Variants in CACNA1A observed in about 807,000 individuals in gnomAD.
CACNA1A encodes the protein voltage-dependent P/Q-type calcium channel subunit alpha-1A.
CACNA1A carries 57 observed loss-of-function variants against 262.4 expected under a neutral mutation model. That is an observed-to-expected ratio of 0.22 (90% confidence interval 0.18 to 0.27). The LOEUF (loss-of-function observed/expected upper bound fraction) is 0.27, where lower values mean the gene tolerates loss of function less well. CACNA1A is among the 10% of genes least tolerant of loss of function. The pLI is 1.00. For synonymous variants in CACNA1A, 1,431 were observed against 1,419.3 expected, an observed-to-expected ratio of 1.01 and a Z score of -0.18; for missense variants, 2,526 against 3,562.8, an observed-to-expected ratio of 0.71 and a Z score of 7.41.
chr19:13,241,672 C>T lies in CACNA1A; in HGVS notation c.4950+3510G>A, dbSNP rs1420681524. The T allele has an allele frequency of 4.2e-5, 22 of 528,670 alleles. No individual in the cohort carries two copies. The highest frequency in any genetic ancestry group is 2.9e-4 in the South Asian group (17 of 59,124). The allele number at this position is 528,670 out of a possible 1,614,324, so 32.7% of individuals were successfully genotyped here. Reference sequence around the variant, plus strand: ...GGGCGGGGAGTGGGGGTGGTGGTGGCGGTGGGTTGGGAGATAAGTCATTGG... The same window carrying T: ...GGGCGGGGAGTGGGGGTGGTGGTGGTGGTGGGTTGGGAGATAAGTCATTGG... On this transcript the variant is annotated intron_variant, in intron 31 of 46. Coordinates refer to ENST00000360228, the MANE Select transcript of CACNA1A (RefSeq NM_001127222.2). The surrounding 1 kb of genome is among the most constrained non-coding windows in gnomAD (Gnocchi z 4.0).
intron 3 of CACNA1A, among the ~76,000 whole-genome samples, chr19:13,436,326 C>A (rs75161961): frequency 0.044 from 6,672 of 152,236 alleles, 278 homozygotes; most frequent in Admixed American, 0.093. Flanking sequence ...AGAGAGGAAC[C>A]TCAGCTGCTC....
chr19:13,207,889 CTG>C lies in CACNA1A; in HGVS notation c.6943_6944del (p.Gln2315AlafsTer187). 6.8e-7 allele frequency: 1 copy of C among 1,466,824 alleles called. No homozygotes were observed. The highest frequency in any genetic ancestry group is 2.4e-5 in the Admixed American group (1 of 42,164). 90.9% of individuals were successfully genotyped at this position (1,466,824 alleles called of 1,614,324 possible). Reference protein sequence around the residue: ...KAGGSGPPQQQQQQQQQQQQQ... With the variant: ...KAGGSGPPQQXQQQQQQQQQQ... ...GCTGCTGCTGCTGCTGCTGCTGCTG[CTG>C]CTGCTGCGGGGGCCCCGAGCCGCCG... On this transcript the variant is annotated frameshift_variant, in exon 47 of 47. Transcript: ENST00000360228. LOFTEE classifies it low-confidence loss of function (END_TRUNC). The surrounding 1 kb of genome is among the most constrained non-coding windows in gnomAD (Gnocchi z 5.7).
At chr19:13,265,216 C>T (rs1156854400) in intron 24 of CACNA1A, among the ~76,000 whole-genome samples, 7 of 152,280 alleles carry the variant, frequency 4.6e-5, no homozygotes, top group East Asian at 1.9e-4. Flanking sequence ...CCCTAGCCTG[C>T]GCCTGGCGTG....
intron 3 of CACNA1A, among the ~76,000 whole-genome samples, chr19:13,386,714 A>T (rs1599343115): frequency 6.6e-6 from 1 of 151,632 alleles, no homozygotes; most frequent in Non-Finnish European, 1.5e-5. Flanking sequence ...AATCGCTTGA[A>T]CCCAGGAGGC....
rs572541903 is a variant in CACNA1A, at chr19:13,305,574, G to A, written c.1987-1690C>T. Reference sequence around the variant, plus strand: ...TATTTGGGGCCAGATTATTCTATTTGGGGCTGTCCTGTGCATTGTAGGATA... The same window carrying A: ...TATTTGGGGCCAGATTATTCTATTTAGGGCTGTCCTGTGCATTGTAGGATA... On this transcript the variant is annotated intron_variant, in intron 15 of 46. Coordinates refer to ENST00000360228, the MANE Select transcript of CACNA1A (RefSeq NM_001127222.2). 4.6e-5 allele frequency among the ~76,000 whole-genome samples: 7 copies of A among 152,284 alleles called. 1 individual carries two copies. The highest frequency in any genetic ancestry group is 1.4e-4 in the African/African-American group (6 of 41,554).
intron 3 of CACNA1A, among the ~76,000 whole-genome samples, chr19:13,413,894 A>AAAAGAAAAGAAAAGAAAAGAAAAG (rs1491545630): frequency 2.1e-4 from 18 of 86,784 alleles, no homozygotes; most frequent in South Asian, 1.1e-3. Context: ...AGAAAGAAAG[A>AAAAGAAAAGAAAAGAAAAGAAAAG]AAAAGAAAGA....
intron 6 of CACNA1A, among the ~76,000 whole-genome samples, chr19:13,352,002 G>A (rs1407688793): frequency 6.6e-6 from 1 of 152,036 alleles, no homozygotes; most frequent in African/African-American, 2.4e-5. Flanking sequence ...TGACTCTCTC[G>A]ACAGATTATG....
At chr19:13,401,662 C>A (rs903073482) in intron 3 of CACNA1A, among the ~76,000 whole-genome samples, 1 of 152,168 alleles carries the variant, frequency 6.6e-6, no homozygotes, top group Admixed American at 6.5e-5. Flanking sequence ...ACCTCCCACT[C>A]CACTTTCCCT....
chr19:13,504,943 C>CT (rs1218918086), intron 1 of CACNA1A, among the ~76,000 whole-genome samples: 4 of 152,022 alleles, frequency 2.6e-5, no homozygotes, highest in African/African-American at 9.7e-5. Flanking sequence ...TGGGCTTCAC[C>CT]TTTTTCCTCT....
At position 13,207,309 on chromosome 19, in the gene CACNA1A, G is replaced by A. The variant is rs1600072239; in HGVS notation, c.*4C>T. On this transcript the variant is annotated 3_prime_UTR_variant, in exon 47 of 47. Transcript: ENST00000360228. The surrounding 1 kb of genome is among the most constrained non-coding windows in gnomAD (Gnocchi z 5.7). ...GGGCCGGGCGGGCGCCACCTCGCCC[G>A]GGCTTAGCACCAATCATCGTCACTC... The A allele has an allele frequency of 1.9e-6, 3 of 1,551,318 alleles. No homozygotes were observed. Among genetic ancestry groups the A allele is most frequent in the African/African-American group, 1.4e-5 (1 of 72,274 alleles).
chr19:13,265,108 CAAGT>C (rs2056830719), intron 24 of CACNA1A, among the ~76,000 whole-genome samples: 1 of 152,152 alleles, frequency 6.6e-6, no homozygotes, highest in Non-Finnish European at 1.5e-5. Flanking sequence ...CTCCCGACCT[CAAGT>C]AATCCACTGG....
At chr19:13,325,580 G>T (rs968358868) in intron 10 of CACNA1A, among the ~76,000 whole-genome samples, 3 of 152,090 alleles carry the variant, frequency 2.0e-5, no homozygotes, top group Non-Finnish European at 1.5e-5. Flanking sequence ...GATTACAGGC[G>T]CCCGCCTCCA....
intron 3 of CACNA1A, among the ~76,000 whole-genome samples, chr19:13,449,978 T>TA (rs1273934372): frequency 9.2e-5 from 14 of 151,962 alleles, no homozygotes; most frequent in African/African-American, 3.4e-4. Context: ...CCGTCTCTAC[T>TA]AAAAATACAA....
chr19:13,263,191 A>G (rs898601686), intron 24 of CACNA1A: 2 of 240,460 alleles, frequency 8.3e-6, no homozygotes, highest in Non-Finnish European at 1.7e-5. Flanking sequence ...TTTTTGAGAC[A>G]GGGTCTGGCT....
At chr19:13,349,503 G>T (rs1006321776) in intron 6 of CACNA1A, among the ~76,000 whole-genome samples, 2 of 152,200 alleles carry the variant, frequency 1.3e-5, no homozygotes, top group African/African-American at 4.8e-5. Flanking sequence ...CATAGGGTGA[G>T]GGGGTCCCTG....
At chr19:13,281,494 C>CT (rs1467042454) in intron 22 of CACNA1A, among the ~76,000 whole-genome samples, 1 of 151,866 alleles carries the variant, frequency 6.6e-6, no homozygotes, top group African/African-American at 2.4e-5. Context: ...AAGCTGGGCT[C>CT]TGTGGACATT....
At chr19:13,231,574 C>A in intron 35 of CACNA1A, 136 bp downstream of exon 35, 1 of 886,760 alleles carries the variant, frequency 1.1e-6, no homozygotes, top group South Asian at 1.7e-5. Flanking sequence ...TCAGGGTCAC[C>A]TGATCCCAGG....
chr19:13,486,884 CTT>C (rs1980073386), intron 1 of CACNA1A, among the ~76,000 whole-genome samples: 1 of 151,988 alleles, frequency 6.6e-6, no homozygotes, highest in Non-Finnish European at 1.5e-5. Context: ...TGTGTCTCCT[CTT>C]TGTCTCCTCT....
intron 3 of CACNA1A, among the ~76,000 whole-genome samples, chr19:13,446,434 TTTTC>T (rs1194918444): frequency 5.1e-5 from 7 of 136,970 alleles, no homozygotes; most frequent in Admixed American, 1.5e-4. Context: ...CGCGCGTGTT[TTTTC>T]TTTCTTTTTT....
Sources: gnomAD v4.1 joint callset for allele counts (sites outside exome capture counted in the v4.1 genomes callset) on GRCh38, gnomAD v4.1.1 for gene constraint, Gnocchi (gnomAD v3.1) non-coding constraint, MANE v1.5 for transcripts, NCBI Gene and HGNC (gene_info 2026-07-23, HGNC 2026-07-21) for gene names.